Variants in POLRMT observed in about 807,000 individuals in gnomAD.
POLRMT encodes RNA polymerase mitochondrial, also known as DNA-directed RNA polymerase, mitochondrial.
A neutral mutation model predicts 132.2 loss-of-function variants in POLRMT; 114 were observed. The observed-to-expected ratio is 0.86, with a 90% CI of 0.74 to 1.01. The LOEUF is 1.01. Ranked by LOEUF, POLRMT falls within the 50% of genes least tolerant of loss-of-function variation. POLRMT has a pLI of 0.00. For missense variants in POLRMT, 2,003 were observed against 1,729.1 expected (o/e 1.16, Z -2.81); for synonymous variants, 1,020 against 773.4 (o/e 1.32, Z -5.29).
chr19:618,770 G>T lies in POLRMT; in HGVS notation c.3268-10C>A. 1 of 1,589,542 alleles carries T rather than the reference G, an allele frequency of 6.3e-7. No individual in the cohort carries two copies. The highest frequency in any genetic ancestry group is 2.3e-5 in the East Asian group (1 of 43,434). ...TTCCACCTCCTATTTGCTAAAAAGG[G>T]GAAGGGGCCGGTGAGTCCCACCCGA... On this transcript the variant is annotated splice_polypyrimidine_tract_variant and intron_variant, in intron 15 of 20. Transcript: ENST00000588649.
intron 3 of POLRMT, chr19:625,512 C>A (rs185060656): frequency 3.3e-4 from 146 of 445,350 alleles, no homozygotes; most frequent in African/African-American, 2.5e-3. Context: ...GTTAAACCTC[C>A]AGATTTGTCA....
At chr19:623,887 C>T (rs1984827726) in intron 5 of POLRMT, among the ~76,000 whole-genome samples, 1 of 152,186 alleles carries the variant, frequency 6.6e-6, no homozygotes, top group African/African-American at 2.4e-5. Flanking sequence ...GGAGACCGTT[C>T]ACTGCACCCC....
chr19:624,133 G>T (rs41547917), intron 5 of POLRMT, among the ~76,000 whole-genome samples: 1 of 152,150 alleles, frequency 6.6e-6, no homozygotes, highest in Non-Finnish European at 1.5e-5. Flanking sequence ...TCCACGCACC[G>T]GAGCATGACT....
intron 16 of POLRMT, 35 bp downstream of exon 16, chr19:618,670 C>G: frequency 6.2e-7 from 1 of 1,604,666 alleles, no homozygotes; most frequent in South Asian, 1.1e-5. Context: ...CTCTCCAGAC[C>G]CCCGGCCAGG....
rs1382915787 is a variant in POLRMT, at chr19:625,104, G to T, written c.953+20C>A. The T allele has an allele frequency of 1.2e-6, 2 of 1,606,408 alleles. No homozygotes were observed. Among genetic ancestry groups the T allele is most frequent in the African/African-American group, 2.7e-5 (2 of 74,734 alleles). ...GGGAGGGACATGGTGGGGGGTGGGG[G>T]CCCTCCCGACACCACCTACCTTTCG... On this transcript the variant is annotated intron_variant, in intron 4 of 20. Coordinates refer to ENST00000588649, the MANE Select transcript of POLRMT (RefSeq NM_005035.4).
chr19:620,975 G>C (rs1984515047), intron 10 of POLRMT, 83 bp downstream of exon 10: 1 of 838,686 alleles, frequency 1.2e-6, no homozygotes, highest in Non-Finnish European at 1.6e-6. Context: ...GGGGGCGCGG[G>C]GGCGCCGGGG....
At chr19:618,913 G>A in intron 15 of POLRMT, 84 bp downstream of exon 15, 1 of 1,353,670 alleles carries the variant, frequency 7.4e-7, no homozygotes. Context: ...CACTGGGGTG[G>A]TGGTACGCTG....
Position 629,996 on chromosome 19 carries a change from C to T in POLRMT, c.366G>A (p.Trp122Ter), listed in dbSNP as rs1162862553. The T allele has an allele frequency of 5.6e-6, 9 of 1,613,824 alleles. No homozygotes were observed. The East Asian group carries it at 2.0e-4, about 36-fold the overall frequency. The change falls in exon 3 of 21, where the codon TGG becomes TGA. Residue 122 changes from tryptophan (W) to a stop codon, truncating the protein, a stop_gained. Transcript: ENST00000588649. LOFTEE classifies it high-confidence loss of function. Reference sequence around the variant, plus strand: ...GCTTATCCTTCTCCAGTATCTTTGCCCAGCGGCCACAGGGCACCGGGGTGG... The same window carrying T: ...GCTTATCCTTCTCCAGTATCTTTGCTCAGCGGCCACAGGGCACCGGGGTGG... ...KDATPVPCGR[W>*]AKILEKDKRT...
intron 6 of POLRMT, 101 bp from the exon 7 acceptor site, chr19:623,086 C>T (rs895696834): frequency 1.5e-6 from 2 of 1,364,948 alleles, no homozygotes; most frequent in Non-Finnish European, 2.0e-6. Flanking sequence ...CCTCATGGCC[C>T]TCAAGGTCCC....
intron 3 of POLRMT, among the ~76,000 whole-genome samples, chr19:625,900 ACCATGCTGG>A (rs1281157516): frequency 3.3e-5 from 5 of 151,750 alleles, no homozygotes; most frequent in Non-Finnish European, 5.9e-5. Context: ...ACGGGGTTTC[ACCATGCTGG>A]CCAGGCTGGT....
intron 3 of POLRMT, among the ~76,000 whole-genome samples, chr19:626,716 C>T (rs1985043134): frequency 9.2e-6 from 1 of 108,858 alleles, no homozygotes; most frequent in African/African-American, 4.5e-5. Context: ...AAAAAATTAG[C>T]TGGGCGTGGT....
rs1213658941 is a variant in POLRMT at position 625,374 on chromosome 19, G to A, written c.823-120C>T. 4.3e-6 allele frequency: 6 copies of A among 1,383,834 alleles called. No individual in the cohort carries two copies. In the South Asian group the frequency reaches 5.5e-5, roughly 13 times the overall value. 85.7% of individuals were successfully genotyped at this position (1,383,834 alleles called of 1,614,324 possible). A position where few individuals can be genotyped will look rare whatever the true frequency, so the allele number is the denominator to read the frequency against. ...CAGCAGGGGACAGGGTCACCAGGCA[G>A]GAGTGGCCAGCTGGGCAGACCGATG... is the stretch of plus-strand genomic sequence containing the variant. On this transcript the variant is annotated intron_variant, in intron 3 of 20. Transcript: ENST00000588649.
intron 3 of POLRMT, among the ~76,000 whole-genome samples, chr19:627,317 A>G (rs1985095856): frequency 1.3e-5 from 2 of 151,544 alleles, no homozygotes; most frequent in East Asian, 2.0e-4. Flanking sequence ...ACACCCGGCT[A>G]ATTTTTTGTA....
In POLRMT at chr19:622,381, A is replaced by G; in HGVS notation, c.1627-8T>C. ...CAGGCAGGGCTCGGGCACCTGTAGG[A>G]CAGGGCGGTCAGGGCGCTGGGCACC... is the stretch of plus-strand genomic sequence containing the variant. On this transcript the variant is annotated splice_polypyrimidine_tract_variant and splice_region_variant and intron_variant, in intron 8 of 20. Transcript: ENST00000588649. 6.5e-7 allele frequency: 1 copy of G among 1,543,452 alleles called. No homozygotes were observed. The highest frequency in any genetic ancestry group is 8.7e-7 in the Non-Finnish European group (1 of 1,144,736).
Position 625,178 on chromosome 19 carries a change from G to A in POLRMT, c.899C>T (p.Ala300Val), listed in dbSNP as rs556603744. ...AGLTPDLLSY[A>V]AALQCMGRQD... is the part of the protein sequence containing the mutation. ...CCTCCCCATGCACTGGAGGGCAGCC[G>A]CATAGGACAGCAGGTCCGGAGTCAA... The change falls in exon 4 of 21, where the codon GCG becomes GTG. Residue 300 changes from alanine (A) to valine (V), a missense_variant. Ala to Val is a moderately conservative substitution (Grantham distance 64). Transcript: ENST00000588649. 4.6e-5 allele frequency: 74 copies of A among 1,613,972 alleles called. 1 individual carries two copies. The highest frequency in any genetic ancestry group is 4.3e-4 in the South Asian group (39 of 91,070).
chr19:621,781 C>T lies in POLRMT; in HGVS notation c.1917G>A (p.Leu639=). Residue 639 remains leucine, a synonymous_variant, in exon 10 of 21, where the codon CTG becomes CTA. Coordinates refer to ENST00000588649, the MANE Select transcript of POLRMT (RefSeq NM_005035.4). Reference sequence around the variant, plus strand: ...TGGGTACATCCACCGCCTCGAAGGTCAGCGTGGGCTCCGCGGCCTTCTCCA... The same window carrying T: ...TGGGTACATCCACCGCCTCGAAGGTTAGCGTGGGCTCCGCGGCCTTCTCCA... ...QLLEKAAEPT[L]TFEAVDVPML... The T allele has an allele frequency of 6.2e-7, 1 of 1,602,194 alleles. No individual in the cohort carries two copies.
chr19:623,624 A>G, intron 5 of POLRMT, 21 bp from the exon 6 acceptor site: 2 of 1,609,758 alleles, frequency 1.2e-6, no homozygotes, highest in South Asian at 2.2e-5. Flanking sequence ...GGGGGTAGTG[A>G]GGTTGGGGGC....
intron 2 of POLRMT, among the ~76,000 whole-genome samples, chr19:632,621 G>A (rs1036644862): frequency 4.6e-5 from 7 of 152,230 alleles, no homozygotes; most frequent in Middle Eastern, 3.4e-3. Flanking sequence ...CTGGGGAGGG[G>A]GAATTACGAG....
chr19:623,651 T>G, intron 5 of POLRMT, 48 bp from the exon 6 acceptor site: 1 of 1,596,384 alleles, frequency 6.3e-7, no homozygotes, highest in Non-Finnish European at 8.6e-7. Flanking sequence ...GAGGGCGACC[T>G]GCCCTCCCAG....
Sources: gnomAD v4.1 joint callset for allele counts (sites outside exome capture counted in the v4.1 genomes callset) on GRCh38, gnomAD v4.1.1 for gene constraint, MANE v1.5 for transcripts, NCBI Gene and HGNC (gene_info 2026-07-23, HGNC 2026-07-21) for gene names.